Variants in ANKRD44 observed in about 807,000 individuals in gnomAD.
ANKRD44 encodes the protein serine/threonine-protein phosphatase 6 regulatory ankyrin repeat subunit B.
A neutral mutation model predicts 116.0 loss-of-function variants in ANKRD44; 35 were observed. That is an observed-to-expected ratio of 0.30 (90% CI 0.23 to 0.40). The LOEUF (loss-of-function observed/expected upper bound fraction) is 0.40, where lower values mean the gene tolerates loss of function less well. Ranked by LOEUF, ANKRD44 falls within the 10% of genes least tolerant of loss-of-function variation. The pLI is 1.00. For synonymous variants in ANKRD44, 435 were observed against 461.8 expected, an observed-to-expected ratio of 0.94 and a Z score of 0.74; for missense variants, 1,014 against 1,242.6, an observed-to-expected ratio of 0.82 and a Z score of 2.77.
intron 16 of ANKRD44, among the ~76,000 whole-genome samples, chr2:197,039,538 A>G (rs1361113679): frequency 1.3e-5 from 2 of 152,196 alleles, no homozygotes. Flanking sequence ...TTTGCAGAGT[A>G]TTTCAAAGGT....
chr2:197,186,633 T>C (rs906967858), intron 2 of ANKRD44, among the ~76,000 whole-genome samples: 12 of 110,392 alleles, frequency 1.1e-4, no homozygotes, highest in African/African-American at 6.2e-4. Context: ...TTTTTTTTTT[T>C]TTTTTTTTTT....
In ANKRD44 at chr2:197,212,911, A is replaced by G. The variant is rs576984964; in HGVS notation, c.28-25805T>C. Among the ~76,000 whole-genome samples, 10 of 152,300 alleles carry G rather than the reference A, an allele frequency of 6.6e-5. No individual in the cohort carries two copies. Among genetic ancestry groups the G allele is most frequent in the African/African-American group, 2.4e-4 (10 of 41,572 alleles). ...TTCCAGAAAGCTTTTCACAGTGTGA[A>G]CATCTCACAGAGCTGACTGGGATTC... On this transcript the variant is annotated intron_variant, in intron 1 of 27. Transcript: ENST00000282272. This position sits in a 1 kb window ranked among gnomAD's most constrained non-coding sequence, Gnocchi z 4.8.
chr2:197,196,918 G>C (rs914031091), intron 1 of ANKRD44, among the ~76,000 whole-genome samples: 4 of 152,156 alleles, frequency 2.6e-5, no homozygotes, highest in Non-Finnish European at 5.9e-5. Context: ...TGAGGGACTA[G>C]GGACATGTGT....
chr2:196,967,578 A>G (rs546828822), intron 21 of ANKRD44: 2 of 370,172 alleles, frequency 5.4e-6, no homozygotes, highest in Non-Finnish European at 1.1e-5. Flanking sequence ...TGCTCAAGTA[A>G]GGAAAATATT....
At chr2:197,149,800 G>C (rs1212117755) in intron 2 of ANKRD44, among the ~76,000 whole-genome samples, 1 of 152,230 alleles carries the variant, frequency 6.6e-6, no homozygotes, top group Non-Finnish European at 1.5e-5. Context: ...GCTGGATAGA[G>C]AGAAATCAGC....
intron 1 of ANKRD44, among the ~76,000 whole-genome samples, chr2:197,234,126 A>G (rs560907284): frequency 6.6e-6 from 1 of 152,302 alleles, no homozygotes; most frequent in Admixed American, 6.5e-5. Flanking sequence ...TCCCCAAAGT[A>G]ACCCACTGTT....
chr2:197,090,389 C>T (rs2078015295), intron 10 of ANKRD44, among the ~76,000 whole-genome samples: 1 of 152,112 alleles, frequency 6.6e-6, no homozygotes, highest in Non-Finnish European at 1.5e-5. Context: ...CTATTCAACA[C>T]TTTCTAAGCA....
In ANKRD44 at chr2:196,987,757, T is replaced by G; in HGVS notation, c.*1834A>C. ...GCAAATAAGTAAGTGCAATGAAACATGATCCTTGTAGTTGTGGTTAAAATA... is the reference window on the plus strand; with the variant it reads ...GCAAATAAGTAAGTGCAATGAAACAGGATCCTTGTAGTTGTGGTTAAAATA... On this transcript the variant is annotated 3_prime_UTR_variant, in exon 28 of 28. Transcript: ENST00000282272. 1 of 985,380 alleles carries G rather than the reference T, an allele frequency of 1.0e-6. No individual in the cohort carries two copies. The highest frequency in any genetic ancestry group is 4.7e-5 in the South Asian group (1 of 21,290). 61.0% of individuals were successfully genotyped at this position (985,380 alleles called of 1,614,324 possible). A position where few individuals can be genotyped will look rare whatever the true frequency, so the allele number is the denominator to read the frequency against.
At chr2:197,185,630 A>C (rs1264303806) in intron 2 of ANKRD44, among the ~76,000 whole-genome samples, 1 of 152,188 alleles carries the variant, frequency 6.6e-6, no homozygotes, top group Non-Finnish European at 1.5e-5. Context: ...TCATTGACTA[A>C]ATCATTTTAC....
intron 1 of ANKRD44, among the ~76,000 whole-genome samples, chr2:197,309,787 A>G (rs2084187660): frequency 6.6e-6 from 1 of 152,234 alleles, no homozygotes; most frequent in Admixed American, 6.5e-5. Context: ...GAGTCCGCGA[A>G]GGTGGCTGTT....
At chr2:196,984,692 C>T (rs770616654), downstream of ANKRD44, among the ~76,000 whole-genome samples, 1 of 152,168 alleles carries the variant, frequency 6.6e-6, no homozygotes, top group Admixed American at 6.5e-5. Context: ...CATTTCTCTG[C>T]TTATGAGAAC....
At chr2:197,051,762 G>A (rs980453716) in intron 16 of ANKRD44, among the ~76,000 whole-genome samples, 7 of 152,074 alleles carry the variant, frequency 4.6e-5, no homozygotes, top group African/African-American at 9.7e-5. Context: ...CTCAACCAGG[G>A]CATTGTAACC....
intron 16 of ANKRD44, among the ~76,000 whole-genome samples, chr2:197,053,474 C>A (rs1451216614): frequency 1.3e-5 from 2 of 152,046 alleles, no homozygotes; most frequent in African/African-American, 2.4e-5. Context: ...TAATTCACTT[C>A]TACCTACACT....
chr2:197,108,485 A>T (rs2078486992), intron 9 of ANKRD44, among the ~76,000 whole-genome samples: 1 of 152,166 alleles, frequency 6.6e-6, no homozygotes, highest in Non-Finnish European at 1.5e-5. Context: ...TTCTGAAACA[A>T]AGATCCCCTG....
At chr2:197,047,109 C>G (rs1468855100) in intron 16 of ANKRD44, among the ~76,000 whole-genome samples, 1 of 151,884 alleles carries the variant, frequency 6.6e-6, no homozygotes, top group Non-Finnish European at 1.5e-5. Flanking sequence ...AGCTCCGCCT[C>G]CTGGGTTCAA....
chr2:196,988,046 C>T lies in ANKRD44; in HGVS notation c.*1545G>A. 1 of 985,284 alleles carries T rather than the reference C, an allele frequency of 1.0e-6. No homozygotes were observed. The highest frequency in any genetic ancestry group is 1.2e-6 in the Non-Finnish European group (1 of 829,918). 61.0% of individuals were successfully genotyped at this position (985,284 alleles called of 1,614,324 possible). A position where few individuals can be genotyped will look rare whatever the true frequency, so the allele number is the denominator to read the frequency against. ...TTGTGAGCATGATTTCATTTCGTTC[C>T]TTTGTCCTCCTTCTATGAGTAAGAG... On this transcript the variant is annotated 3_prime_UTR_variant, in exon 28 of 28. Transcript: ENST00000282272.
intron 27 of ANKRD44, among the ~76,000 whole-genome samples, chr2:196,993,347 C>T (rs2075954610): frequency 4.6e-5 from 7 of 152,136 alleles, no homozygotes; most frequent in Admixed American, 4.6e-4. Context: ...AGTTAGAGAC[C>T]AGCTGCTGGC....
chr2:197,012,543 GT>G (rs142777128), intron 18 of ANKRD44, among the ~76,000 whole-genome samples: 1,496 of 144,216 alleles, frequency 0.01, 7 homozygotes, highest in Middle Eastern at 0.029. Context: ...TATGGCTAAC[GT>G]TTTTTTTTTT....
At chr2:197,014,625 T>C (rs2076355807) in intron 17 of ANKRD44, among the ~76,000 whole-genome samples, 1 of 151,734 alleles carries the variant, frequency 6.6e-6, no homozygotes, top group Non-Finnish European at 1.5e-5. Flanking sequence ...TCGTCCCTAC[T>C]AAAAATACAA....
Sources: gnomAD v4.1 joint callset for allele counts (sites outside exome capture counted in the v4.1 genomes callset) on GRCh38, gnomAD v4.1.1 for gene constraint, Gnocchi (gnomAD v3.1) non-coding constraint, MANE v1.5 for transcripts, NCBI Gene and HGNC (gene_info 2026-07-23, HGNC 2026-07-21) for gene names.